The following CCDC125 variants were observed in gnomAD, a reference collection of about 807,000 sequenced individuals.
CCDC125 encodes the protein coiled-coil domain-containing protein 125.
In CCDC125, 43 loss-of-function variants were observed where a neutral mutation model predicts 57.4. The ratio of observed to expected loss-of-function variants is 0.75; its 90% CI spans 0.59 to 0.97. The LOEUF (loss-of-function observed/expected upper bound fraction) is 0.97, where lower values mean the gene tolerates loss of function less well. CCDC125 is among the 50% of genes least tolerant of loss of function. CCDC125 has a pLI of 0.00. For synonymous variants in CCDC125, 187 were observed against 195.2 expected, an observed-to-expected ratio of 0.96 and a Z score of 0.35; for missense variants, 563 against 595.7, an observed-to-expected ratio of 0.95 and a Z score of 0.57.
Position 69,282,739 on chromosome 5 carries a change from ATACT to A in CCDC125, c.1522_1525del (p.Ile509TyrfsTer31). The A allele has an allele frequency of 6.3e-7, 1 of 1,588,348 alleles. No individual in the cohort carries two copies. Among genetic ancestry groups the A allele is most frequent in the Non-Finnish European group, 8.6e-7 (1 of 1,169,352 alleles). On this transcript the variant is annotated frameshift_variant, in exon 12 of 12. Coordinates refer to ENST00000396496, the MANE Select transcript of CCDC125 (RefSeq NM_176816.5). LOFTEE classifies it high-confidence loss of function. ...TCAACTGGCTTGTCTTTAAAATATG[ATACT>A]TGATGGCAAAGAATGGGATCTTTTA...
chr5:69,318,726 C>G (rs947203108), intron 2 of CCDC125, among the ~76,000 whole-genome samples: 1 of 151,612 alleles, frequency 6.6e-6, no homozygotes, highest in Admixed American at 6.6e-5. Flanking sequence ...GCACTCTAGC[C>G]TGGGCGACAA....
chr5:69,303,880 CT>C lies in CCDC125; in HGVS notation c.666del (p.Glu223LysfsTer6). Reference protein sequence around the residue: ...AVLKENLKVKTEEIKMLKSDN... With the variant: ...AVLKENLKVKXEEIKMLKSDN... ...TCAGACTTCAGCATTTTAATTTCTT[CT>C]GTTTTCACTTTCAAATTCTCTTTGA... On this transcript the variant is annotated frameshift_variant, in exon 7 of 12. Coordinates refer to ENST00000396496, the MANE Select transcript of CCDC125 (RefSeq NM_176816.5). LOFTEE classifies it high-confidence loss of function. The C allele has an allele frequency of 1.9e-6, 3 of 1,608,270 alleles. No homozygotes were observed. The Admixed American group carries it at 5.1e-5, about 27-fold the overall frequency.
Position 69,306,052 on chromosome 5 carries a change from CA to C in CCDC125, c.617+764del, listed in dbSNP as rs1480594090. On this transcript the variant is annotated intron_variant, in intron 6 of 11. Transcript: ENST00000396496. ...TTTTTCTCTTTTTGGAGCTGATTGT[CA>C]GAACATAAACATTTACCATCTTAAC... Among the ~76,000 whole-genome samples, 14 of 151,874 alleles carry C rather than the reference CA, an allele frequency of 9.2e-5. 1 individual carries two copies. The East Asian group carries it at 2.7e-3, about 29-fold the overall frequency.
In CCDC125 at chr5:69,299,765, C is replaced by G. The variant is rs569322005; in HGVS notation, c.816+247G>C. On this transcript the variant is annotated intron_variant, in intron 8 of 11. Coordinates refer to ENST00000396496, the MANE Select transcript of CCDC125 (RefSeq NM_176816.5). ...TTACCCAACACAGCTTCCGCTAGAA[C>G]TGTAAAGATGAGAAATAAACGGGGC... 5.9e-5 allele frequency among the ~76,000 whole-genome samples: 9 copies of G among 152,322 alleles called. No homozygotes were observed. The South Asian group carries it at 1.9e-3, about 32-fold the overall frequency.
intron 2 of CCDC125, 43 bp downstream of exon 2, chr5:69,320,194 T>C (rs1759797620): frequency 1.3e-6 from 2 of 1,493,706 alleles, no homozygotes; most frequent in Admixed American, 1.8e-5. Flanking sequence ...GCTTTGATAC[T>C]ATGCACAGGA....
At chr5:69,323,397 A>T (rs906505887) in intron 1 of CCDC125, among the ~76,000 whole-genome samples, 2 of 152,070 alleles carry the variant, frequency 1.3e-5, no homozygotes, top group Non-Finnish European at 2.9e-5. Context: ...CTTTATATAT[A>T]TTTTCAATTG....
intron 10 of CCDC125, among the ~76,000 whole-genome samples, chr5:69,286,333 G>A (rs12652124): frequency 0.092 from 13,723 of 148,952 alleles, 777 homozygotes; most frequent in South Asian, 0.18. Flanking sequence ...CCGGGTTCGC[G>A]CCATTCTCCT....
At chr5:69,286,222 ATATATATATATAAT>A (rs1561402878) in intron 10 of CCDC125, among the ~76,000 whole-genome samples, 28 of 95,436 alleles carry the variant, frequency 2.9e-4, no homozygotes, top group African/African-American at 6.8e-4. Context: ...ATATATATAT[ATATATATATATAAT>A]TTTTTTTTTT....
At position 69,280,234 on chromosome 5, in the gene CCDC125, T is replaced by G. The variant is rs1752397291; in HGVS notation, c.*2495A>C. 1 of 152,250 alleles carries G rather than the reference T, an allele frequency of 6.6e-6. No homozygotes were observed. The highest frequency in any genetic ancestry group is 2.4e-5 in the African/African-American group (1 of 41,464). 9.4% of individuals were successfully genotyped at this position (152,250 alleles called of 1,614,324 possible). A position where few individuals can be genotyped will look rare whatever the true frequency, so the allele number is the denominator to read the frequency against. On this transcript the variant is annotated 3_prime_UTR_variant, in exon 12 of 12. Transcript: ENST00000396496. ...CATTCACATTGTAATTGAGCTCATT[T>G]AAGCAAAGCTATCTTCAGTAGGGAC... is the stretch of plus-strand genomic sequence containing the variant.
At chr5:69,276,841 C>T (rs4077460), downstream of CCDC125, 419,282 of 727,682 alleles carry the variant, frequency 0.58, 123,193 homozygotes, top group African/African-American at 0.72. Context: ...GAGACTGTGC[C>T]GTTTTAGGTA....
chr5:69,310,246 T>C (rs1344710560), intron 4 of CCDC125: 1 of 152,196 alleles, frequency 6.6e-6, no homozygotes, highest in East Asian at 1.9e-4. Context: ...TGGCTCTGTG[T>C]CCTCACCCAA....
intron 1 of CCDC125, 26 bp from the exon 2 acceptor site, chr5:69,320,606 G>C: frequency 9.3e-7 from 1 of 1,075,258 alleles, no homozygotes; most frequent in Non-Finnish European, 1.4e-6. Context: ...ACAGTAGTTA[G>C]GAAAACATCA....
At chr5:69,315,171 G>A (rs1241120675) in intron 2 of CCDC125, among the ~76,000 whole-genome samples, 23 of 151,698 alleles carry the variant, frequency 1.5e-4, no homozygotes, top group Admixed American at 1.3e-3. Flanking sequence ...CAGGAGAATT[G>A]CTTGAACCCA....
intron 10 of CCDC125, among the ~76,000 whole-genome samples, chr5:69,286,234 A>ATATATATT (rs1554071341): frequency 2.1e-5 from 1 of 48,412 alleles, no homozygotes. Context: ...ATATATATAT[A>ATATATATT]ATTTTTTTTT....
At chr5:69,275,891 T>A (rs1214303640), downstream of CCDC125, among the ~76,000 whole-genome samples, 1 of 152,196 alleles carries the variant, frequency 6.6e-6, no homozygotes, top group Non-Finnish European at 1.5e-5. Context: ...AATCTTGGCT[T>A]CCATCCCCAA....
chr5:69,277,643 G>A (rs1018306787), downstream of CCDC125, among the ~76,000 whole-genome samples: 19 of 151,922 alleles, frequency 1.3e-4, no homozygotes, highest in African/African-American at 4.6e-4. Flanking sequence ...GGTGGTGGGC[G>A]CCTGTAGTCC....
chr5:69,314,162 G>C (rs1016460298), intron 2 of CCDC125, 116 bp from the exon 3 acceptor site: 1 of 734,262 alleles, frequency 1.4e-6, no homozygotes, highest in Non-Finnish European at 2.3e-6. Flanking sequence ...AAATTGCAAA[G>C]AGAAGAGAAT....
At position 69,304,422 on chromosome 5, in the gene CCDC125, CTT is replaced by C. The variant is rs35397437; in HGVS notation, c.618-495_618-494del. ...GCCCGGCCAGGATTTTAAACATACC[CTT>C]TTTTTTTTTTTTTCTTTTTGAGACG... On this transcript the variant is annotated intron_variant, in intron 6 of 11. Transcript: ENST00000396496. 3.9e-4 allele frequency among the ~76,000 whole-genome samples: 52 copies of C among 134,008 alleles called. 2 individuals carry two copies. The highest frequency in any genetic ancestry group is 9.7e-4 in the South Asian group (4 of 4,116). 87.9% of individuals were successfully genotyped at this position (134,008 alleles called of 152,430 possible).
At chr5:69,300,873 T>TCTTTTCTTCTTTTTTTCCTTC (rs1756298249) in intron 7 of CCDC125, among the ~76,000 whole-genome samples, 3 of 152,014 alleles carry the variant, frequency 2.0e-5, no homozygotes, top group African/African-American at 7.2e-5. Context: ...TTTTTTCCTT[T>TCTTTTCTTCTTTTTTTCCTTC]CTTTTCTTCT....
Sources: gnomAD v4.1 joint callset for allele counts (sites outside exome capture counted in the v4.1 genomes callset) on GRCh38, gnomAD v4.1.1 for gene constraint, MANE v1.5 for transcripts, NCBI Gene and HGNC (gene_info 2026-07-23, HGNC 2026-07-21) for gene names.